Variants in DAD1 observed in about 807,000 individuals in gnomAD.
DAD1 encodes dolichyl-diphosphooligosaccharide--protein glycosyltransferase subunit DAD1.
A neutral mutation model predicts 9.0 loss-of-function variants in DAD1; 4 were observed. The observed-to-expected ratio is 0.44, with a 90% CI of 0.22 to 1.01. The LOEUF (loss-of-function observed/expected upper bound fraction) is 1.01. Ranked by LOEUF, DAD1 falls within the 50% of genes least tolerant of loss-of-function variation. The pLI is 0.24. For synonymous variants in DAD1, 60 were observed against 62.5 expected (o/e 0.96, Z 0.19); for missense variants, 119 against 137.3 (o/e 0.87, Z 0.67).
intron 1 of DAD1, among the ~76,000 whole-genome samples, chr14:22,585,492 G>A (rs746111401): frequency 2.6e-5 from 4 of 152,154 alleles, no homozygotes; most frequent in Admixed American, 1.3e-4. Flanking sequence ...GTCAGCTACT[G>A]GATGTTTGAA....
chr14:22,578,140 T>C lies in DAD1; in HGVS notation c.212-2907A>G, dbSNP rs5742770. On this transcript the variant is annotated intron_variant, in intron 1 of 2. Transcript: ENST00000250498. ...TGGTGGCGCATGCCTGTGATCCCAG[T>C]TGCTTGGCAGGCTGAGGCAATGAGG... 4.8e-3 allele frequency among the ~76,000 whole-genome samples: 729 copies of C among 151,074 alleles called. 5 individuals are homozygous for C. Among genetic ancestry groups the C allele is most frequent in the Middle Eastern group, 0.014 (4 of 290 alleles).
At chr14:22,581,962 G>A (rs1340355006) in intron 1 of DAD1, among the ~76,000 whole-genome samples, 1 of 151,918 alleles carries the variant, frequency 6.6e-6, no homozygotes, top group Non-Finnish European at 1.5e-5. Context: ...CAGCACTTTG[G>A]GAGGCCGAGG....
At chr14:22,572,246 A>G (rs531924141) in intron 2 of DAD1, among the ~76,000 whole-genome samples, 1 of 152,314 alleles carries the variant, frequency 6.6e-6, no homozygotes, top group South Asian at 2.1e-4. Flanking sequence ...GAAAATATAA[A>G]GACATTCAAT....
intron 1 of DAD1, among the ~76,000 whole-genome samples, chr14:22,580,145 T>TG (rs1408709278): frequency 1.3e-5 from 2 of 152,054 alleles, no homozygotes; most frequent in East Asian, 3.9e-4. Flanking sequence ...GGCCAGGGCA[T>TG]GGTGGCTCAC....
intron 1 of DAD1, among the ~76,000 whole-genome samples, chr14:22,588,404 A>G (rs1224497137): frequency 6.6e-6 from 1 of 152,254 alleles, no homozygotes; most frequent in African/African-American, 2.4e-5. Flanking sequence ...GAGTTATGTG[A>G]ACAAAAATTG....
intron 1 of DAD1, among the ~76,000 whole-genome samples, chr14:22,580,105 C>T (rs915702540): frequency 1.3e-5 from 2 of 151,846 alleles, no homozygotes; most frequent in African/African-American, 4.8e-5. Flanking sequence ...GACATGAGCC[C>T]CCACACCCAG....
At chr14:22,565,212 C>G in intron 2 of DAD1, 75 bp from the exon 3 acceptor site, 2 of 694,480 alleles carry the variant, frequency 2.9e-6, no homozygotes, top group South Asian at 3.0e-5. Flanking sequence ...CATCTAAATT[C>G]TAACCCACAA....
At chr14:22,575,278 A>G in intron 1 of DAD1, 45 bp from the exon 2 acceptor site, 2 of 1,598,774 alleles carry the variant, frequency 1.3e-6, no homozygotes, top group Admixed American at 3.4e-5. Flanking sequence ...ATAGAAGTAT[A>G]AAATAAATAT....
chr14:22,586,260 T>G (rs2037152467), intron 1 of DAD1, among the ~76,000 whole-genome samples: 1 of 151,016 alleles, frequency 6.6e-6, no homozygotes, highest in Non-Finnish European at 1.5e-5. Flanking sequence ...AAGTCCAAAT[T>G]CCTGGCCGGG....
In DAD1 at chr14:22,589,181, C is replaced by T. The variant is rs750244839; in HGVS notation, c.-24G>A. 13 of 1,612,964 alleles carry T rather than the reference C, an allele frequency of 8.1e-6. No individual in the cohort carries two copies. In the African/African-American group the frequency reaches 1.5e-4, roughly 18 times the overall value. On this transcript the variant is annotated 5_prime_UTR_variant, in exon 1 of 3. Transcript: ENST00000250498. ...ATAACTGCACGCAAGGTACTCCGGT[C>T]CGCGCCCCAAACTCTTGGAGGACCC...
intron 2 of DAD1, among the ~76,000 whole-genome samples, chr14:22,572,904 GAGA>G (rs780152834): frequency 3.9e-5 from 6 of 152,186 alleles, no homozygotes; most frequent in Non-Finnish European, 5.9e-5. Flanking sequence ...TTGCAAGCGT[GAGA>G]AGGTCAATGT....
In DAD1 at chr14:22,582,762, T is replaced by C. The variant is rs536451705; in HGVS notation, c.211+6185A>G. On this transcript the variant is annotated intron_variant, in intron 1 of 2. Transcript: ENST00000250498. ...GGCTCACACCTGTAATCCCAGCACTTTGGGAGGCCGAGGTGGGTGAATCAC... is the reference window on the plus strand; with the variant it reads ...GGCTCACACCTGTAATCCCAGCACTCTGGGAGGCCGAGGTGGGTGAATCAC... 2.0e-5 allele frequency among the ~76,000 whole-genome samples: 3 copies of C among 152,210 alleles called. No individual in the cohort carries two copies. In the South Asian group the frequency reaches 6.2e-4, roughly 32 times the overall value.
At chr14:22,576,083 G>A (rs879453000) in intron 1 of DAD1, among the ~76,000 whole-genome samples, 10 of 152,066 alleles carry the variant, frequency 6.6e-5, no homozygotes, top group Non-Finnish European at 1.3e-4. Flanking sequence ...TGCCCAGGCC[G>A]GACTGGAACC....
At chr14:22,575,519 A>G (rs2037070563) in intron 1 of DAD1, among the ~76,000 whole-genome samples, 1 of 151,732 alleles carries the variant, frequency 6.6e-6, no homozygotes, top group Admixed American at 6.6e-5. Flanking sequence ...TGAATTGCAC[A>G]AGTAAGTTGG....
intron 1 of DAD1, among the ~76,000 whole-genome samples, chr14:22,579,511 CAAT>C (rs1383719009): frequency 3.9e-5 from 6 of 152,162 alleles, no homozygotes; most frequent in African/African-American, 1.4e-4. Flanking sequence ...ATATTAAAGA[CAAT>C]GACTGAAGCA....
At chr14:22,580,950 G>T (rs2037112240) in intron 1 of DAD1, among the ~76,000 whole-genome samples, 1 of 151,384 alleles carries the variant, frequency 6.6e-6, no homozygotes, top group Non-Finnish European at 1.5e-5. Context: ...AAAAAAAAAA[G>T]CCTGTTCAAA....
intron 1 of DAD1, among the ~76,000 whole-genome samples, chr14:22,585,983 A>G (rs1442501500): frequency 7.9e-5 from 12 of 152,036 alleles, no homozygotes; most frequent in South Asian, 4.2e-4. Context: ...GAGGCGGGCG[A>G]ATCACGAGGT....
At chr14:22,580,018 GT>G (rs35233119) in intron 1 of DAD1, among the ~76,000 whole-genome samples, 2 of 151,492 alleles carry the variant, frequency 1.3e-5, no homozygotes, top group Non-Finnish European at 2.9e-5. Context: ...TTTTTTGTTT[GT>G]TTTTGGTAAA....
Position 22,589,111 on chromosome 14 carries a change from T to C in DAD1, c.47A>G (p.Tyr16Cys). The change falls in exon 1 of 3, where the codon TAC becomes TGC. Residue 16 changes from tyrosine to cysteine, a missense_variant. Tyr to Cys is a radical substitution (Grantham distance 194). Coordinates refer to ENST00000250498, the MANE Select transcript of DAD1 (RefSeq NM_001344.4). ...CAGACGCTGCGGAGTGGAGCTCAAG[T>C]ACTCTTCTAAGAACCGCGAAATGAC... The part of the protein sequence containing the change: ...VSVISRFLEE[Y>C]LSSTPQRLKL... 1 of 1,614,192 alleles carries C rather than the reference T, an allele frequency of 6.2e-7. No individual in the cohort carries two copies. Among genetic ancestry groups the C allele is most frequent in the African/African-American group, 1.3e-5 (1 of 75,056 alleles).
Sources: allele counts gnomAD v4.1 joint callset (sites outside exome capture counted in the v4.1 genomes callset), GRCh38; gene constraint gnomAD v4.1.1; transcripts MANE v1.5; gene names NCBI Gene and HGNC (gene_info 2026-07-23, HGNC 2026-07-21).